PCDHGA9: variants seen among roughly 807,000 people sequenced by gnomAD.
PCDHGA9 encodes the protein protocadherin gamma subfamily A, 9, also known as protocadherin gamma-A9.
Under a neutral mutation model 62.5 loss-of-function variants are expected in PCDHGA9, and 37 were observed. That is an observed-to-expected ratio of 0.59 (90% CI 0.46 to 0.78). The LOEUF is 0.78. Among genes scored for constraint, PCDHGA9 ranks in the 30% least tolerant of loss-of-function variants. The pLI is 0.00. For missense variants in PCDHGA9, 1,138 were observed against 1,166.2 expected (o/e 0.98, Z 0.35); for synonymous variants, 459 against 484.6 (o/e 0.95, Z 0.69).
chr5:141,479,453 A>G (rs994349416), intron 1 of PCDHGA9: 1 of 152,266 alleles, frequency 6.6e-6, no homozygotes, highest in Non-Finnish European at 1.5e-5. Context: ...TAAGTTCAGC[A>G]TGAATACAGT....
chr5:141,510,448 C>T (rs1339979584), intron 3 of PCDHGA9, among the ~76,000 whole-genome samples: 1 of 152,016 alleles, frequency 6.6e-6, no homozygotes, highest in Non-Finnish European at 1.5e-5. Context: ...TCCAGGAGCC[C>T]ATGGTCTAGT....
Position 141,503,010 on chromosome 5 carries a change from AT to A in PCDHGA9, c.2484-2371del, listed in dbSNP as rs199924715. ...AGGCGTGTGCCACCATGCCCGGTTA[AT>A]TTTTTTTTTTTAATATCTATTTTAG... On this transcript the variant is annotated intron_variant, in intron 2 of 3. Coordinates refer to ENST00000573521, the MANE Select transcript of PCDHGA9 (RefSeq NM_018921.3). Among the ~76,000 whole-genome samples the A allele has an allele frequency of 6.8e-3, 997 of 146,562 alleles. 9 individuals are homozygous for A. The highest frequency in any genetic ancestry group is 0.023 in the African/African-American group (916 of 39,838).
At chr5:141,478,322 C>G (rs1360535508) in intron 1 of PCDHGA9, 28 of 1,613,976 alleles carry the variant, frequency 1.7e-5, no homozygotes, top group Non-Finnish European at 2.3e-5. Context: ...CTCACTGTAC[C>G]GAACACCAGG....
At position 141,512,348 on chromosome 5, in the gene PCDHGA9, G is replaced by C. The variant is rs1172891268; in HGVS notation, c.*1175G>C. 4 of 152,886 alleles carry C rather than the reference G, an allele frequency of 2.6e-5. No homozygotes were observed. The highest frequency in any genetic ancestry group is 9.6e-5 in the African/African-American group (4 of 41,462). The allele number at this position is 152,886 out of a possible 1,614,324, so 9.5% of individuals were successfully genotyped here. A position where few individuals can be genotyped will look rare whatever the true frequency, so the allele number is the denominator to read the frequency against. ...GGCCATTCTTAGTCCCTGGGTTGGG[G>C]AGGCAGGGAGCTAGGGCAGGGACCA... On this transcript the variant is annotated 3_prime_UTR_variant, in exon 4 of 4. Transcript: ENST00000573521.
Position 141,418,471 on chromosome 5 carries a change from G to T in PCDHGA9, c.2424+13095G>T, listed in dbSNP as rs199547102. 57 of 1,614,002 alleles carry T rather than the reference G, an allele frequency of 3.5e-5. No homozygotes were observed. In the African/African-American group the frequency reaches 5.7e-4, roughly 16 times the overall value. ...TGCAGAAGACTCTGGACCGAGAAACGCAGAGCGCTCACCACTTGGTACTGA... is the reference window on the plus strand; with the variant it reads ...TGCAGAAGACTCTGGACCGAGAAACTCAGAGCGCTCACCACTTGGTACTGA... On this transcript the variant is annotated intron_variant, in intron 1 of 3. Coordinates refer to ENST00000573521, the MANE Select transcript of PCDHGA9 (RefSeq NM_018921.3).
intron 1 of PCDHGA9, chr5:141,408,498 G>A (rs934521153): frequency 1.7e-5 from 27 of 1,613,634 alleles, no homozygotes; most frequent in Non-Finnish European, 2.3e-5. Flanking sequence ...TGCAAAGAGA[G>A]AAGAAGATGT....
rs2094439679 is a variant in PCDHGA9 at position 141,403,663 on chromosome 5, T to C, written c.711T>C (p.Asp237=). ...RIHVTVLDTN[D]NAPVFAQRIY... is the part of the protein sequence containing the mutation. ...ATGTGACAGTGTTGGATACAAATGA[T>C]AATGCCCCGGTTTTTGCTCAACGGA... The change falls in exon 1 of 4, where the codon GAT becomes GAC. Residue 237 remains aspartate, a synonymous_variant. Coordinates refer to ENST00000573521, the MANE Select transcript of PCDHGA9 (RefSeq NM_018921.3). The C allele has an allele frequency of 1.9e-6, 3 of 1,613,900 alleles. No homozygotes were observed. Among genetic ancestry groups the C allele is most frequent in the African/African-American group, 1.3e-5 (1 of 75,060 alleles).
At chr5:141,459,606 T>G (rs1430790771) in intron 1 of PCDHGA9, among the ~76,000 whole-genome samples, 1 of 152,250 alleles carries the variant, frequency 6.6e-6, no homozygotes, top group Non-Finnish European at 1.5e-5. Context: ...GGGAAGTATA[T>G]GCTTAACTTT....
In PCDHGA9 at chr5:141,489,242, TG is replaced by T; in HGVS notation, c.2425-5561del. 6.5e-7 allele frequency: 1 copy of T among 1,534,498 alleles called. No homozygotes were observed. The highest frequency in any genetic ancestry group is 2.3e-5 in the East Asian group (1 of 44,312). On this transcript the variant is annotated intron_variant, in intron 1 of 3. Transcript: ENST00000573521. The surrounding 1 kb of genome is among the most constrained non-coding windows in gnomAD (Gnocchi z 4.5). ...TCTCCACAAAGGGACTTCTGGGTCA[TG>T]GGGCCCAAGACACTCCCACAGCTCG...
intron 2 of PCDHGA9, among the ~76,000 whole-genome samples, chr5:141,501,136 G>A (rs909142955): frequency 6.6e-6 from 1 of 152,090 alleles, no homozygotes; most frequent in Non-Finnish European, 1.5e-5. Context: ...CTAAGTGCTG[G>A]GATTACAGGT....
chr5:141,511,147 A>T lies in PCDHGA9; in HGVS notation c.2773A>T (p.Lys925Ter). The change falls in exon 4 of 4, where the codon AAG becomes TAG. Residue 925 changes from lysine to a stop codon, truncating the protein, a stop_gained. Coordinates refer to ENST00000573521, the MANE Select transcript of PCDHGA9 (RefSeq NM_018921.3). LOFTEE classifies it high-confidence loss of function. Reference sequence around the variant, plus strand: ...AGCAGGTGGCAATGGCAACAAGAAGAAGTCGGGCAAGAAGGAGAAGAAGTA... The same window carrying T: ...AGCAGGTGGCAATGGCAACAAGAAGTAGTCGGGCAAGAAGGAGAAGAAGTA... The part of the protein sequence containing the change: ...APAGGNGNKK[K>*]SGKKEKK 1 of 1,614,188 alleles carries T rather than the reference A, an allele frequency of 6.2e-7. No homozygotes were observed. Among genetic ancestry groups the T allele is most frequent in the East Asian group, 2.2e-5 (1 of 44,876 alleles).
intron 1 of PCDHGA9, among the ~76,000 whole-genome samples, chr5:141,407,479 T>C (rs1042229151): frequency 1.4e-5 from 2 of 144,060 alleles, no homozygotes; most frequent in East Asian, 1.9e-4. Context: ...GAATGGAGTA[T>C]GGAAAATCTT....
At position 141,428,173 on chromosome 5, in the gene PCDHGA9, C is replaced by T. The variant is rs192741775; in HGVS notation, c.2424+22797C>T. The T allele has an allele frequency of 3.3e-6, 5 of 1,514,730 alleles. No homozygotes were observed. In the East Asian group the frequency reaches 9.1e-5, roughly 28 times the overall value. 93.8% of individuals were successfully genotyped at this position (1,514,730 alleles called of 1,614,324 possible). A position where few individuals can be genotyped will look rare whatever the true frequency, so the allele number is the denominator to read the frequency against. On this transcript the variant is annotated intron_variant, in intron 1 of 3. Transcript: ENST00000573521. ...GGAACCTGCTGGTTGCTGTGCGTGA[C>T]GGAGGACAGCCGCCGCTCTCTGCGC... is the stretch of plus-strand genomic sequence containing the variant.
intron 1 of PCDHGA9, chr5:141,433,086 C>A (rs747501244): frequency 1.9e-6 from 3 of 1,614,208 alleles, no homozygotes; most frequent in African/African-American, 2.7e-5. Context: ...CCCAACTATG[C>A]AGACATGCTC....
chr5:141,414,909 C>T (rs1230113440), intron 1 of PCDHGA9: 10 of 1,614,102 alleles, frequency 6.2e-6, no homozygotes, highest in Admixed American at 1.7e-5. Context: ...GTTCCACAGG[C>T]GTGGAGCTGG....
rs1286965459 is a variant in PCDHGA9 at position 141,403,773 on chromosome 5, A to G, written c.821A>G (p.Asn274Ser). The G allele has an allele frequency of 3.1e-6, 5 of 1,613,956 alleles. No individual in the cohort carries two copies. The highest frequency in any genetic ancestry group is 4.2e-6 in the Non-Finnish European group (5 of 1,179,900). Residue 274 changes from asparagine to serine, a missense_variant, in exon 1 of 4, where the codon AAC (asparagine) becomes AGC (serine). Transcript: ENST00000573521. ...GCCAGCGACCTGGATGAGGGAATCA[A>G]CGGAAAAGTGGCATACAAATTCTGG... ...ATASDLDEGI[N>S]GKVAYKFWKI...
chr5:141,430,707 C>T, intron 1 of PCDHGA9: 2 of 1,478,562 alleles, frequency 1.4e-6, no homozygotes, highest in Non-Finnish European at 9.0e-7. Flanking sequence ...GGAACTGCTC[C>T]TGACTTCAGT....
In PCDHGA9 at chr5:141,487,801, A is replaced by G. The variant is rs895741843; in HGVS notation, c.2425-7006A>G. The G allele has an allele frequency of 1.0e-5, 15 of 1,479,820 alleles. No individual in the cohort carries two copies. The highest frequency in any genetic ancestry group is 2.7e-6 in the Non-Finnish European group (3 of 1,095,672). The allele number at this position is 1,479,820 out of a possible 1,614,324, so 91.7% of individuals were successfully genotyped here. On this transcript the variant is annotated intron_variant, in intron 1 of 3. Coordinates refer to ENST00000573521, the MANE Select transcript of PCDHGA9 (RefSeq NM_018921.3). The surrounding 1 kb of genome is among the most constrained non-coding windows in gnomAD (Gnocchi z 5.0). ...GTTTCGTGAATTAACCAGAGTTGTC[A>G]CAGTTTAGCATTGGGGGCGGGTCAT... is the stretch of plus-strand genomic sequence containing the variant.
intron 1 of PCDHGA9, chr5:141,427,590 C>A: frequency 1.5e-6 from 1 of 679,008 alleles, no homozygotes; most frequent in Non-Finnish European, 2.7e-6. Flanking sequence ...CAGCACAAGC[C>A]TCACCCTACG....
Sources: allele counts gnomAD v4.1 joint callset (sites outside exome capture counted in the v4.1 genomes callset), GRCh38; gene constraint gnomAD v4.1.1; non-coding constraint Gnocchi (gnomAD v3.1); transcripts MANE v1.5; gene names NCBI Gene and HGNC (gene_info 2026-07-23, HGNC 2026-07-21).